Variants in BDNF observed in about 807,000 individuals in gnomAD.
BDNF encodes neurotrophic factor BDNF precursor form.
In BDNF, 1 loss-of-function variant was observed where a neutral mutation model predicts 19.5. That is an observed-to-expected ratio of 0.05 (90% CI 0.02 to 0.24). The LOEUF is 0.24. Among genes scored for constraint, BDNF ranks in the 10% least tolerant of loss-of-function variants. The pLI is 1.00. For synonymous variants in BDNF, 100 were observed against 121.6 expected, an observed-to-expected ratio of 0.82 and a Z score of 1.17; for missense variants, 195 against 317.6, an observed-to-expected ratio of 0.61 and a Z score of 2.93.
At chr11:27,700,547 C>A, upstream of BDNF, 2 of 849,214 alleles carry the variant, frequency 2.4e-6, no homozygotes, top group Non-Finnish European at 2.8e-6. Context: ...CCCCGCCCCC[C>A]GCTCCCCGCT....
chr11:27,699,813 G>A (rs562310417), intron 1 of BDNF: 2 of 859,288 alleles, frequency 2.3e-6, no homozygotes, highest in African/African-American at 1.7e-5. Flanking sequence ...CGACAGCTCT[G>A]GCCCCCTAAG....
chr11:27,666,969 A>T (rs923170759), intron 1 of BDNF, among the ~76,000 whole-genome samples: 28 of 152,240 alleles, frequency 1.8e-4, no homozygotes, highest in African/African-American at 6.8e-4. Context: ...CATAATTGTC[A>T]GATTCACCAA....
At chr11:27,701,584 G>C (rs911968439), upstream of BDNF, 1 of 986,710 alleles carries the variant, frequency 1.0e-6, no homozygotes, top group African/African-American at 1.7e-5. Context: ...AGTTCGCCGG[G>C]GGGAGCGGCA....
chr11:27,675,463 G>A (rs1001765765), intron 1 of BDNF: 6 of 152,078 alleles, frequency 3.9e-5, no homozygotes, highest in African/African-American at 9.7e-5. Flanking sequence ...CAGCAACCGC[G>A]ACTACCAAAT....
chr11:27,656,559 C>G lies in BDNF; in HGVS notation c.*1262G>C. Reference sequence around the variant, plus strand: ...GGGATGGCCACTCAGAAATTCCTCCCGCACTGCCGGTAAATGCAATGCCAA... The same window carrying G: ...GGGATGGCCACTCAGAAATTCCTCCGGCACTGCCGGTAAATGCAATGCCAA... On this transcript the variant is annotated 3_prime_UTR_variant, in exon 2 of 2. Coordinates refer to ENST00000356660, the MANE Select transcript of BDNF (RefSeq NM_001709.5). The G allele has an allele frequency of 1.0e-6, 1 of 985,852 alleles. No individual in the cohort carries two copies. Among genetic ancestry groups the G allele is most frequent in the Non-Finnish European group, 1.2e-6 (1 of 829,976 alleles). The allele number at this position is 985,852 out of a possible 1,614,324, so 61.1% of individuals were successfully genotyped here. A position where few individuals can be genotyped will look rare whatever the true frequency, so the allele number is the denominator to read the frequency against.
At position 27,658,622 on chromosome 11, in the gene BDNF, T is replaced by C; in HGVS notation, c.-21-37A>G. 6.2e-7 allele frequency: 1 copy of C among 1,614,106 alleles called. No individual in the cohort carries two copies. Among genetic ancestry groups the C allele is most frequent in the East Asian group, 2.2e-5 (1 of 44,882 alleles). ...AAGCAGAAACAAGACAGAAAACTGG[T>C]TAGGGCTTTCTTTCACCGGGATGCC... On this transcript the variant is annotated intron_variant, in intron 1 of 1. Transcript: ENST00000356660. The surrounding 1 kb of genome is among the most constrained non-coding windows in gnomAD (Gnocchi z 5.7).
At position 27,697,143 on chromosome 11, in the gene BDNF, GCACACA is replaced by G. The variant is rs138533217; in HGVS notation, c.-22+3015_-22+3020del. Among the ~76,000 whole-genome samples the G allele has an allele frequency of 2.8e-3, 392 of 141,042 alleles. 5 individuals are homozygous for G. Among genetic ancestry groups the G allele is most frequent in the African/African-American group, 6.3e-3 (234 of 37,394 alleles). 92.5% of individuals were successfully genotyped at this position (141,042 alleles called of 152,430 possible). A position where few individuals can be genotyped will look rare whatever the true frequency, so the allele number is the denominator to read the frequency against. On this transcript the variant is annotated intron_variant, in intron 1 of 1. Coordinates refer to ENST00000356660, the MANE Select transcript of BDNF (RefSeq NM_001709.5). ...CCTCTACACACACGCGCACGTGCACGCACACACACACACACACACACAGAGAGAGAG... is the reference window on the plus strand; with the variant it reads ...CCTCTACACACACGCGCACGTGCACGCACACACACACACACAGAGAGAGAG...
rs1009286873 is a variant in BDNF at position 27,674,427 on chromosome 11, A to G, written c.-21-15842T>C. On this transcript the variant is annotated intron_variant, in intron 1 of 1. Coordinates refer to ENST00000356660, the MANE Select transcript of BDNF (RefSeq NM_001709.5). ...AATATGTTCTCCTAGCCACTGCTCTACCCCAGCTCCCAGCTCTTCTGAAGT... is the reference window on the plus strand; with the variant it reads ...AATATGTTCTCCTAGCCACTGCTCTGCCCCAGCTCCCAGCTCTTCTGAAGT... 5 of 1,444,572 alleles carry G rather than the reference A, an allele frequency of 3.5e-6. No homozygotes were observed. In the Admixed American group the frequency reaches 7.7e-5, roughly 22 times the overall value. 89.5% of individuals were successfully genotyped at this position (1,444,572 alleles called of 1,614,324 possible). A position where few individuals can be genotyped will look rare whatever the true frequency, so the allele number is the denominator to read the frequency against.
intron 1 of BDNF, chr11:27,677,076 C>G (rs765140193): frequency 3.9e-5 from 6 of 152,246 alleles, no homozygotes; most frequent in Non-Finnish European, 8.8e-5. Flanking sequence ...TCCACTGGAA[C>G]TAATCTGATA....
chr11:27,688,568 C>T (rs1211717084), intron 1 of BDNF, among the ~76,000 whole-genome samples: 6 of 152,182 alleles, frequency 3.9e-5, no homozygotes, highest in African/African-American at 7.2e-5. Flanking sequence ...CCTGGTCTGC[C>T]GGCTGCAAAG....
chr11:27,712,996 C>T (rs1342251225), intron 1 of BDNF, among the ~76,000 whole-genome samples: 1 of 143,414 alleles, frequency 7.0e-6, no homozygotes, highest in Non-Finnish European at 1.5e-5. Context: ...CAGCCTCTGT[C>T]TCCATGGTTC....
chr11:27,713,457 C>G (rs1477442035), intron 1 of BDNF, among the ~76,000 whole-genome samples: 1 of 152,158 alleles, frequency 6.6e-6, no homozygotes, highest in Non-Finnish European at 1.5e-5. Flanking sequence ...TGCCCTATCC[C>G]AAAGGCTTTG....
intron 1 of BDNF, among the ~76,000 whole-genome samples, chr11:27,687,948 C>G (rs1052555165): frequency 4.6e-5 from 7 of 152,146 alleles, no homozygotes; most frequent in African/African-American, 1.7e-4. Flanking sequence ...GCTGGGAGAT[C>G]CACTGCTCTC....
chr11:27,678,728 T>C (rs1343224059), intron 1 of BDNF, among the ~76,000 whole-genome samples: 1 of 152,148 alleles, frequency 6.6e-6, no homozygotes, highest in African/African-American at 2.4e-5. Context: ...TCAAATACTT[T>C]TGAAAAGTCT....
intron 1 of BDNF, among the ~76,000 whole-genome samples, chr11:27,712,559 C>T (rs777068912): frequency 2.6e-5 from 4 of 151,252 alleles, no homozygotes; most frequent in Non-Finnish European, 4.4e-5. Flanking sequence ...CTGTGTCATC[C>T]AGGCTGGAGT....
chr11:27,700,928 G>A (rs1213300605), upstream of BDNF: 1 of 1,341,506 alleles, frequency 7.5e-7, no homozygotes, highest in Non-Finnish European at 9.9e-7. Flanking sequence ...CAGCACCCAA[G>A]TTCTCTGGGA....
chr11:27,658,873 T>G lies in BDNF; in HGVS notation c.-21-288A>C. 14 of 1,292,142 alleles carry G rather than the reference T, an allele frequency of 1.1e-5. No individual in the cohort carries two copies. Among genetic ancestry groups the G allele is most frequent in the Non-Finnish European group, 1.4e-5 (14 of 1,009,836 alleles). 80.0% of individuals were successfully genotyped at this position (1,292,142 alleles called of 1,614,324 possible). On this transcript the variant is annotated intron_variant, in intron 1 of 1. Coordinates refer to ENST00000356660, the MANE Select transcript of BDNF (RefSeq NM_001709.5). This position sits in a 1 kb window ranked among gnomAD's most constrained non-coding sequence, Gnocchi z 5.7. ...CAAAAATTGTGGCTTCAAGTTCTCC[T>G]TCTTCCCACTTTAGCAGCTTTGTAA...
At chr11:27,709,094 G>C (rs1860225479) in intron 1 of BDNF, among the ~76,000 whole-genome samples, 2 of 152,114 alleles carry the variant, frequency 1.3e-5, no homozygotes, top group African/African-American at 2.4e-5. Flanking sequence ...CTCCCAAAGA[G>C]CTGGGATTAC....
chr11:27,683,308 C>T (rs1252267581), intron 1 of BDNF, among the ~76,000 whole-genome samples: 1 of 152,058 alleles, frequency 6.6e-6, no homozygotes, highest in Non-Finnish European at 1.5e-5. Context: ...GGATATTAGC[C>T]TTTTGTCAGA....
Sources: gnomAD v4.1 joint callset for allele counts (sites outside exome capture counted in the v4.1 genomes callset) on GRCh38, gnomAD v4.1.1 for gene constraint, Gnocchi (gnomAD v3.1) non-coding constraint, MANE v1.5 for transcripts, NCBI Gene and HGNC (gene_info 2026-07-23, HGNC 2026-07-21) for gene names.